The following CUBN variants were observed in gnomAD, a reference collection of about 807,000 sequenced individuals.
The protein encoded by CUBN is 460 kDa receptor.
A neutral mutation model predicts 405.3 loss-of-function variants in CUBN; 282 were observed. The ratio of observed to expected loss-of-function variants is 0.70; its 90% CI spans 0.63 to 0.77. The LOEUF (loss-of-function observed/expected upper bound fraction) is 0.77. CUBN is among the 30% of genes least tolerant of loss of function. The pLI is 0.00. For missense variants in CUBN, 4,514 were observed against 4,475.2 expected (o/e 1.01, Z -0.25); for synonymous variants, 1,684 against 1,617.0 (o/e 1.04, Z -0.99).
At position 16,890,575 on chromosome 10, in the gene CUBN, A is replaced by G. The variant is rs1196944227; in HGVS notation, c.8599-48T>C. ...TTTAATGCTCAAGGGTTTCCCATCA[A>G]TATTTTAATGCACTTAGGTTTCAAA... On this transcript the variant is annotated intron_variant, in intron 54 of 66. Transcript: ENST00000377833. The G allele has an allele frequency of 3.1e-6, 5 of 1,600,826 alleles. No individual in the cohort carries two copies. In the Admixed American group the frequency reaches 8.3e-5, roughly 27 times the overall value.
At position 16,925,380 on chromosome 10, in the gene CUBN, A is replaced by G. The variant is rs772407596; in HGVS notation, c.6507T>C (p.Pro2169=). 3 of 1,613,932 alleles carry G rather than the reference A, an allele frequency of 1.9e-6. No homozygotes were observed. Among genetic ancestry groups the G allele is most frequent in the Admixed American group, 1.7e-5 (1 of 59,996 alleles). Reference sequence around the variant, plus strand: ...TGCCACAAAAATGACCATTTCCTCCAGGGGGTCCCAAGGGTGGAGAACAGA... The same window carrying G: ...TGCCACAAAAATGACCATTTCCTCCGGGGGGTCCCAAGGGTGGAGAACAGA... ...PDICSPPLGP[P]GGNGHFCGSH... The change falls in exon 43 of 67, where the codon CCT becomes CCC. Residue 2169 remains proline (P), a synonymous_variant. Transcript: ENST00000377833.
At chr10:17,089,242 T>C (rs1836197044) in intron 14 of CUBN, among the ~76,000 whole-genome samples, 1 of 152,140 alleles carries the variant, frequency 6.6e-6, no homozygotes, top group Non-Finnish European at 1.5e-5. Context: ...GTTCCATGAG[T>C]CTCATTGTTC....
chr10:16,858,542 G>A (rs1005152657), intron 59 of CUBN, among the ~76,000 whole-genome samples: 2 of 150,036 alleles, frequency 1.3e-5, no homozygotes, highest in African/African-American at 5.1e-5. Context: ...GGCTGGTCTT[G>A]AACTCCTGGC....
intron 56 of CUBN, among the ~76,000 whole-genome samples, chr10:16,887,570 T>A (rs1211629253): frequency 6.6e-6 from 1 of 152,234 alleles, no homozygotes; most frequent in Admixed American, 6.5e-5. Context: ...AGACAAGAGA[T>A]AAGTTTTGGC....
intron 62 of CUBN, among the ~76,000 whole-genome samples, chr10:16,839,644 G>A (rs1315232400): frequency 1.0e-5 from 1 of 95,690 alleles, no homozygotes; most frequent in African/African-American, 2.5e-5. Context: ...CAACCATTGT[G>A]GAAGTCAGTG....
At chr10:16,879,215 T>C (rs780839) in intron 56 of CUBN, among the ~76,000 whole-genome samples, 72,086 of 152,142 alleles carry the variant, frequency 0.47, 19,391 homozygotes, top group Middle Eastern at 0.63. Context: ...TCTGCAGGGA[T>C]GCCAACATTT....
At chr10:17,093,105 T>G (rs1380104728) in intron 14 of CUBN, among the ~76,000 whole-genome samples, 1 of 152,198 alleles carries the variant, frequency 6.6e-6, no homozygotes, top group East Asian at 1.9e-4. Context: ...ACCCTTGCTA[T>G]GGCAAACAAA....
At chr10:17,082,354 A>G (rs1265756282) in intron 17 of CUBN, among the ~76,000 whole-genome samples, 2 of 152,152 alleles carry the variant, frequency 1.3e-5, no homozygotes, top group African/African-American at 4.8e-5. Flanking sequence ...AAAACATTCC[A>G]CCATTCTGGT....
At chr10:16,971,342 T>G (rs7097054) in intron 31 of CUBN, among the ~76,000 whole-genome samples, 16,495 of 152,218 alleles carry the variant, frequency 0.11, 1,579 homozygotes, top group African/African-American at 0.25. Flanking sequence ...GTGCTTCAAC[T>G]CCGGCCTTCA....
At chr10:16,995,394 A>T (rs763427929) in intron 28 of CUBN, among the ~76,000 whole-genome samples, 16 of 152,382 alleles carry the variant, frequency 1.0e-4, no homozygotes, top group Non-Finnish European at 2.4e-4. Flanking sequence ...TACTTACTTC[A>T]TAGGGTTGTT....
intron 21 of CUBN, among the ~76,000 whole-genome samples, chr10:17,066,066 T>G (rs1167982128): frequency 1.3e-5 from 2 of 152,210 alleles, no homozygotes; most frequent in African/African-American, 2.4e-5. Context: ...AAAATGGGAA[T>G]GATGACAGTA....
At chr10:17,023,957 T>C (rs1834579564) in intron 27 of CUBN, among the ~76,000 whole-genome samples, 1 of 152,076 alleles carries the variant, frequency 6.6e-6, no homozygotes, top group South Asian at 2.1e-4. Context: ...TCATTTAGGA[T>C]TTTCGTGGCT....
chr10:17,024,767 A>G (rs1325921046), intron 27 of CUBN, among the ~76,000 whole-genome samples: 2 of 152,108 alleles, frequency 1.3e-5, no homozygotes, highest in Non-Finnish European at 2.9e-5. Context: ...CGGCTTCCCA[A>G]AGAGCTGAGA....
chr10:16,920,211 T>A, intron 43 of CUBN, 74 bp from the exon 44 acceptor site: 1 of 1,418,166 alleles, frequency 7.1e-7, no homozygotes, highest in Non-Finnish European at 9.9e-7. Flanking sequence ...AATCATCTTT[T>A]AAAGTCGACT....
chr10:17,054,418 T>C (rs1285921355), intron 22 of CUBN, among the ~76,000 whole-genome samples: 2 of 151,438 alleles, frequency 1.3e-5, no homozygotes, highest in Middle Eastern at 3.4e-3. Context: ...AATTTTTATC[T>C]AAAGAAACTA....
chr10:16,948,878 A>G (rs774214238), intron 34 of CUBN, among the ~76,000 whole-genome samples: 7 of 152,170 alleles, frequency 4.6e-5, no homozygotes, highest in Non-Finnish European at 8.8e-5. Flanking sequence ...CAAGGGACAC[A>G]TGTACCTAAA....
chr10:16,865,628 C>T (rs1840160479), intron 59 of CUBN, among the ~76,000 whole-genome samples: 1 of 151,982 alleles, frequency 6.6e-6, no homozygotes, highest in Non-Finnish European at 1.5e-5. Flanking sequence ...GTAAAATGCA[C>T]CAATCAACGC....
Position 17,123,653 on chromosome 10 carries a change from G to C in CUBN, c.424C>G (p.Gln142Glu), listed in dbSNP as rs765941616. 2.5e-5 allele frequency: 40 copies of C among 1,613,904 alleles called. No homozygotes were observed. In the African/African-American group the frequency reaches 3.1e-4, roughly 12 times the overall value. The change falls in exon 5 of 67, where the codon CAG becomes GAG. Residue 142 changes from glutamine (Q) to glutamate (E), a missense_variant. By Grantham distance (29) the Gln-to-Glu change is conservative. Coordinates refer to ENST00000377833, the MANE Select transcript of CUBN (RefSeq NM_001081.4). Reference sequence around the variant, plus strand: ...AGATTGAGGCAGGTTCCACCATTCTGGCAAGGATTGCTGCTGCAAACCTTT... The same window carrying C: ...AGATTGAGGCAGGTTCCACCATTCTCGCAAGGATTGCTGCTGCAAACCTTT... ...DKKVCSSNPCQNGGTCLNLHD... is the reference protein window; with the variant it reads ...DKKVCSSNPCENGGTCLNLHD...
At chr10:16,945,375 A>G (rs1001374311) in intron 36 of CUBN, among the ~76,000 whole-genome samples, 14 of 152,184 alleles carry the variant, frequency 9.2e-5, no homozygotes, top group Admixed American at 4.6e-4. Context: ...TAGGAGCTTA[A>G]TAAATATCTG....
Sources: allele counts gnomAD v4.1 joint callset (sites outside exome capture counted in the v4.1 genomes callset), GRCh38; gene constraint gnomAD v4.1.1; transcripts MANE v1.5; gene names NCBI Gene and HGNC (gene_info 2026-07-23, HGNC 2026-07-21).